The following CADM2 variants were observed in gnomAD, a reference collection of about 807,000 sequenced individuals.
CADM2 encodes the protein immunoglobulin superfamily member 4D.
Under a neutral mutation model 49.8 loss-of-function variants are expected in CADM2, and 12 were observed. The observed-to-expected ratio is 0.24, with a 90% confidence interval of 0.15 to 0.39. CADM2 has a LOEUF of 0.39. CADM2 is among the 10% of genes least tolerant of loss of function. The pLI, the probability that CADM2 is intolerant of heterozygous loss-of-function variation, is 1.00. For synonymous variants in CADM2, 214 were observed against 175.4 expected (o/e 1.22, Z -1.74); for missense variants, 378 against 492.3 (o/e 0.77, Z 2.20).
intron 3 of CADM2, among the ~76,000 whole-genome samples, chr3:85,823,594 A>G (rs528254260): frequency 6.6e-6 from 1 of 152,300 alleles, no homozygotes; most frequent in South Asian, 2.1e-4. Flanking sequence ...GATAATGTCT[A>G]CTTTGCAGAG....
chr3:85,652,936 C>T (rs1420120133), intron 1 of CADM2, among the ~76,000 whole-genome samples: 1 of 151,378 alleles, frequency 6.6e-6, no homozygotes, highest in Non-Finnish European at 1.5e-5. Flanking sequence ...TGCCACCACA[C>T]CTGGCTAATT....
chr3:85,309,133 C>G (rs1175424508), intron 1 of CADM2, among the ~76,000 whole-genome samples: 2 of 151,996 alleles, frequency 1.3e-5, no homozygotes, highest in Non-Finnish European at 2.9e-5. Flanking sequence ...GTAAAGGGCT[C>G]TAAGGGTTCA....
Position 86,049,794 on chromosome 3 carries a change from C to T in CADM2, c.971-15811C>T, listed in dbSNP as rs1018559886. Among the ~76,000 whole-genome samples, 10 of 152,262 alleles carry T rather than the reference C, an allele frequency of 6.6e-5. No individual in the cohort carries two copies. In the South Asian group the frequency reaches 8.3e-4, roughly 13 times the overall value. ...CTCACTATCAAGAGAACAGCACCAA[C>T]GGGGCGGTGCCAAACCGTTCATGAG... is the stretch of plus-strand genomic sequence containing the variant. On this transcript the variant is annotated intron_variant, in intron 8 of 9. Transcript: ENST00000383699.
At chr3:85,772,667 G>A (rs533622021) in intron 2 of CADM2, among the ~76,000 whole-genome samples, 6 of 152,164 alleles carry the variant, frequency 3.9e-5, no homozygotes, top group African/African-American at 1.4e-4. Flanking sequence ...GGCATTCAGA[G>A]ATTAACCAAG....
intron 1 of CADM2, among the ~76,000 whole-genome samples, chr3:85,190,102 T>G (rs2041172707): frequency 6.6e-6 from 1 of 151,872 alleles, no homozygotes; most frequent in Admixed American, 6.6e-5. Flanking sequence ...TGAAATCTGT[T>G]ATTTTGACAT....
At chr3:85,237,762 C>T (rs1559736924) in intron 1 of CADM2, among the ~76,000 whole-genome samples, 1 of 151,652 alleles carries the variant, frequency 6.6e-6, no homozygotes. Context: ...CTTTAATATG[C>T]AGTGATTTTT....
chr3:85,788,760 C>T (rs1038653301), intron 2 of CADM2, among the ~76,000 whole-genome samples: 5 of 151,568 alleles, frequency 3.3e-5, no homozygotes, highest in African/African-American at 1.2e-4. Flanking sequence ...CATAACTTTC[C>T]TTATAATCTT....
intron 1 of CADM2, among the ~76,000 whole-genome samples, chr3:85,002,688 G>A (rs17022259): frequency 0.044 from 6,736 of 152,172 alleles, 183 homozygotes; most frequent in East Asian, 0.1. Flanking sequence ...GTTAATCTGG[G>A]TAGCTCTTTT....
chr3:85,323,691 C>G (rs573941177), intron 1 of CADM2, among the ~76,000 whole-genome samples: 2 of 152,278 alleles, frequency 1.3e-5, no homozygotes, highest in East Asian at 3.9e-4. Context: ...AAAATCATAT[C>G]AATTCTATTT....
chr3:85,810,929 G>A (rs1160755243), intron 3 of CADM2, among the ~76,000 whole-genome samples: 2 of 152,160 alleles, frequency 1.3e-5, no homozygotes, highest in South Asian at 2.1e-4. Flanking sequence ...ATCTTCGGTT[G>A]TGGATTGTAT....
chr3:85,110,753 AT>A lies in CADM2; in HGVS notation c.61+151089del, dbSNP rs1415602008. On this transcript the variant is annotated intron_variant, in intron 1 of 9. Transcript: ENST00000383699. ...ATGAGTGTGAATTATTTATCTAATT[AT>A]TTTGGTGAAGACAGAGTTGCAATAG... Among the ~76,000 whole-genome samples the A allele has an allele frequency of 2.0e-5, 3 of 151,872 alleles. No homozygotes were observed. The East Asian group carries it at 5.8e-4, about 29-fold the overall frequency.
chr3:85,816,213 C>CT (rs891167702), intron 3 of CADM2, among the ~76,000 whole-genome samples: 208 of 142,104 alleles, frequency 1.5e-3, no homozygotes, highest in Middle Eastern at 3.7e-3. Flanking sequence ...GGAAATGGAG[C>CT]TTTTTTTTTT....
At chr3:85,683,615 C>T (rs1217041163) in intron 1 of CADM2, among the ~76,000 whole-genome samples, 1 of 152,102 alleles carries the variant, frequency 6.6e-6, no homozygotes, top group Non-Finnish European at 1.5e-5. Flanking sequence ...TGCTGAATGT[C>T]AAGTTCTTTT....
intron 1 of CADM2, among the ~76,000 whole-genome samples, chr3:85,307,933 G>T (rs1302805908): frequency 1.1e-4 from 14 of 128,508 alleles, no homozygotes; most frequent in African/African-American, 3.7e-4. Context: ...TGTACCCCCA[G>T]AAAAATTAGA....
In CADM2 at chr3:86,040,418, G is replaced by A. The variant is rs140162317; in HGVS notation, c.971-25187G>A. Among the ~76,000 whole-genome samples the A allele has an allele frequency of 6.0e-3, 908 of 152,296 alleles. 3 individuals carry two copies. The highest frequency in any genetic ancestry group is 0.01 in the Non-Finnish European group (699 of 68,026). On this transcript the variant is annotated intron_variant, in intron 8 of 9. Coordinates refer to ENST00000383699, the MANE Select transcript of CADM2 (RefSeq NM_001167675.2). ...CTAATGGAGCTGAAAACCAAGGTAT[G>A]AGAACTATGTGACAAATGCACAAGC...
chr3:85,294,643 A>T (rs1020651279), intron 1 of CADM2, among the ~76,000 whole-genome samples: 1 of 151,862 alleles, frequency 6.6e-6, no homozygotes, highest in Admixed American at 6.6e-5. Context: ...CTGCATATCT[A>T]CAACTATCTG....
At chr3:85,941,926 T>G (rs2108555960) in intron 7 of CADM2, among the ~76,000 whole-genome samples, 1 of 152,222 alleles carries the variant, frequency 6.6e-6, no homozygotes, top group East Asian at 1.9e-4. Context: ...ATCACACAAC[T>G]ATTACATTGT....
chr3:85,553,422 A>C (rs1436653693), intron 1 of CADM2, among the ~76,000 whole-genome samples: 1 of 152,230 alleles, frequency 6.6e-6, no homozygotes, highest in Non-Finnish European at 1.5e-5. Flanking sequence ...GCACAGGCTA[A>C]TTTTGAGAAA....
intron 2 of CADM2, among the ~76,000 whole-genome samples, chr3:85,799,279 T>G (rs559612114): frequency 5.3e-5 from 8 of 152,316 alleles, no homozygotes; most frequent in African/African-American, 1.9e-4. Flanking sequence ...TCTCGCCTGA[T>G]TGTTCTGGCT....
Sources: gnomAD v4.1 joint callset for allele counts (sites outside exome capture counted in the v4.1 genomes callset) on GRCh38, gnomAD v4.1.1 for gene constraint, MANE v1.5 for transcripts, NCBI Gene and HGNC (gene_info 2026-07-23, HGNC 2026-07-21) for gene names.